Variants in DDX27 observed in about 807,000 individuals in gnomAD.
DDX27 encodes probable ATP-dependent RNA helicase DDX27.
Under a neutral mutation model 99.3 loss-of-function variants are expected in DDX27, and 42 were observed. That is an observed-to-expected ratio of 0.42 (90% CI 0.33 to 0.55). The LOEUF is 0.55. Ranked by LOEUF, DDX27 falls within the 20% of genes least tolerant of loss-of-function variation. DDX27 has a pLI of 0.07. For synonymous variants in DDX27, 329 were observed against 353.8 expected (o/e 0.93, Z 0.79); for missense variants, 798 against 976.8 (o/e 0.82, Z 2.44).
At chr20:49,241,275 A>G (rs1003717644) in intron 16 of DDX27, among the ~76,000 whole-genome samples, 1 of 152,186 alleles carries the variant, frequency 6.6e-6, no homozygotes, top group African/African-American at 2.4e-5. Flanking sequence ...GGACAAAATA[A>G]GGGTGTATAT....
chr20:49,226,735 C>T (rs373074744), intron 7 of DDX27, among the ~76,000 whole-genome samples, 200 bp downstream of exon 7: 7 of 151,902 alleles, frequency 4.6e-5, no homozygotes, highest in Middle Eastern at 3.4e-3. Context: ...CAGGTTCAAG[C>T]GATCGATTTT....
intron 1 of DDX27, among the ~76,000 whole-genome samples, chr20:49,221,226 C>T (rs1007786449): frequency 2.6e-5 from 4 of 152,198 alleles, no homozygotes; most frequent in South Asian, 2.1e-4. Flanking sequence ...TCCCAAAGTG[C>T]TGGGATTACA....
At chr20:49,240,311 C>T (rs924085471) in intron 16 of DDX27, among the ~76,000 whole-genome samples, 1 of 152,178 alleles carries the variant, frequency 6.6e-6, no homozygotes. Flanking sequence ...GATTTCCTCT[C>T]CATCTCCCTT....
rs776760256 is a variant in DDX27 at position 49,221,458 on chromosome 20, A to G, written c.100A>G (p.Ile34Val). The change falls in exon 2 of 21, where the codon ATT becomes GTT. Residue 34 changes from isoleucine (I) to valine (V), a missense_variant. This residue lies in a region of DDX27 where 245 missense variants were observed against 248.8 expected (regional missense o/e 0.98). Coordinates refer to ENST00000618172, the MANE Select transcript of DDX27 (RefSeq NM_017895.8). ...DSGDEEEEGPIVLGRRQKALG... is the reference protein window; with the variant it reads ...DSGDEEEEGPVVLGRRQKALG... The stretch of plus-strand genomic sequence containing the variant: ...TGTCTCTTACTCTTCCCAGGGGCCC[A>G]TTGTGCTGGGCAGACGACAAAAAGC... The G allele has an allele frequency of 8.1e-6, 13 of 1,613,296 alleles. No individual in the cohort carries two copies. In the Admixed American group the frequency reaches 2.2e-4, roughly 27 times the overall value.
chr20:49,239,128 C>T, intron 15 of DDX27, 73 bp downstream of exon 15: 1 of 1,520,558 alleles, frequency 6.6e-7, no homozygotes, highest in Non-Finnish European at 9.1e-7. Context: ...GCTGGTGCTG[C>T]CCTTCTGAAA....
intron 9 of DDX27, 110 bp downstream of exon 9, chr20:49,230,459 G>GT (rs1980067770): frequency 3.1e-6 from 4 of 1,305,358 alleles, no homozygotes; most frequent in Non-Finnish European, 4.2e-6. Context: ...CATGGCTGTT[G>GT]GTGTGCGATA....
At chr20:49,233,272 T>A (rs1270256710) in intron 9 of DDX27, 34 bp from the exon 10 acceptor site, 1 of 1,556,784 alleles carries the variant, frequency 6.4e-7, no homozygotes, top group East Asian at 2.2e-5. Flanking sequence ...AAGAGCACTC[T>A]CTCCATTTCT....
rs965987516 is a variant in DDX27, at chr20:49,238,829, C to T, written c.1688-120C>T. On this transcript the variant is annotated intron_variant, in intron 14 of 20. Transcript: ENST00000618172. ...CTGGCCACGTTGCCCAGGCTGGCCTCAAATTCCTGGGCTCAAGCAATCCTC... is the reference window on the plus strand; with the variant it reads ...CTGGCCACGTTGCCCAGGCTGGCCTTAAATTCCTGGGCTCAAGCAATCCTC... The T allele has an allele frequency of 1.7e-4, 85 of 509,874 alleles. No individual in the cohort carries two copies. The Admixed American group carries it at 2.6e-3, about 16-fold the overall frequency. 31.6% of individuals were successfully genotyped at this position (509,874 alleles called of 1,614,324 possible).
At chr20:49,220,677 G>A (rs1568969947) in intron 1 of DDX27, among the ~76,000 whole-genome samples, 1 of 152,196 alleles carries the variant, frequency 6.6e-6, no homozygotes, top group Admixed American at 6.5e-5. Context: ...GGCTCAGCCC[G>A]CTGCGTGGGA....
intron 1 of DDX27, among the ~76,000 whole-genome samples, chr20:49,220,668 G>A (rs1979625238): frequency 6.6e-6 from 1 of 152,186 alleles, no homozygotes; most frequent in Admixed American, 6.5e-5. Flanking sequence ...ACAGGCCTTG[G>A]CTCAGCCCGC....
chr20:49,241,504 G>C (rs1454325146), intron 16 of DDX27, among the ~76,000 whole-genome samples: 2 of 150,686 alleles, frequency 1.3e-5, no homozygotes, highest in Non-Finnish European at 3.0e-5. Flanking sequence ...GCAGGGTCTC[G>C]CTCTGTCGCC....
intron 1 of DDX27, 63 bp downstream of exon 1, chr20:49,219,604 G>A: frequency 1.3e-6 from 2 of 1,497,108 alleles, no homozygotes; most frequent in South Asian, 2.5e-5. Context: ...GATTCCTCAG[G>A]TCCCTGTCCC....
At chr20:49,225,290 C>T in intron 6 of DDX27, 91 bp downstream of exon 6, 3 of 1,097,480 alleles carry the variant, frequency 2.7e-6, no homozygotes, top group Non-Finnish European at 4.2e-6. Context: ...TCAAGCAATC[C>T]TCTTGCCTCA....
At chr20:49,243,160 A>C (rs1461317334) in intron 19 of DDX27, among the ~76,000 whole-genome samples, 1 of 152,180 alleles carries the variant, frequency 6.6e-6, no homozygotes, top group Non-Finnish European at 1.5e-5. Flanking sequence ...GAGCCACCTG[A>C]GGATCCCAAG....
rs1175614414 is a variant in DDX27, at chr20:49,243,984, A to G, written c.*150A>G. 1.2e-6 allele frequency: 1 copy of G among 835,400 alleles called. No individual in the cohort carries two copies. The highest frequency in any genetic ancestry group is 1.9e-6 in the Non-Finnish European group (1 of 535,672). 51.7% of individuals were successfully genotyped at this position (835,400 alleles called of 1,614,324 possible). A position where few individuals can be genotyped will look rare whatever the true frequency, so the allele number is the denominator to read the frequency against. ...TGGTGTGGTGGTATGGTACGTAGCT[A>G]TTTTCCTAAGCATGTCTGTCAATCT... On this transcript the variant is annotated 3_prime_UTR_variant, in exon 21 of 21. Coordinates refer to ENST00000618172, the MANE Select transcript of DDX27 (RefSeq NM_017895.8).
chr20:49,240,174 T>TAGTGGTGATGGTTGTACAATG (rs1980433623), intron 16 of DDX27, among the ~76,000 whole-genome samples: 1 of 152,210 alleles, frequency 6.6e-6, no homozygotes, highest in African/African-American at 2.4e-5. Context: ...TTGTACAATG[T>TAGTGGTGATGGTTGTACAATG]TGTGAATGTA....
intron 8 of DDX27, among the ~76,000 whole-genome samples, chr20:49,229,729 A>C (rs1257975683): frequency 6.7e-6 from 1 of 149,994 alleles, no homozygotes; most frequent in Non-Finnish European, 1.5e-5. Flanking sequence ...GCTCACTGCA[A>C]CCTCCACCTC....
intron 1 of DDX27, among the ~76,000 whole-genome samples, chr20:49,221,031 G>A (rs1269075119): frequency 2.0e-5 from 3 of 151,972 alleles, no homozygotes; most frequent in African/African-American, 7.3e-5. Flanking sequence ...GCGCGATCTC[G>A]GCTCACCGCA....
chr20:49,238,609 A>C, intron 14 of DDX27: 1 of 256,838 alleles, frequency 3.9e-6, no homozygotes, highest in Non-Finnish European at 7.5e-6. Context: ...CTGGGATTAC[A>C]GGCGTGTGCC....
Sources: allele counts gnomAD v4.1 joint callset (sites outside exome capture counted in the v4.1 genomes callset), GRCh38; gene constraint gnomAD v4.1.1; regional missense constraint gnomAD v4.1.1; transcripts MANE v1.5; gene names NCBI Gene and HGNC (gene_info 2026-07-23, HGNC 2026-07-21).